FGF1: variants seen among roughly 807,000 people sequenced by gnomAD.
FGF1 encodes fibroblast growth factor 1, also known as beta-endothelial cell growth factor.
In FGF1, 9 loss-of-function variants were observed where a neutral mutation model predicts 13.4. The observed-to-expected ratio is 0.67, with a 90% confidence interval of 0.40 to 1.17. FGF1 has a LOEUF of 1.17. Ranked by LOEUF, FGF1 falls within the 50% of genes most tolerant of loss-of-function variation. The probability of loss-of-function intolerance (pLI) is 0.01; values close to 1 mark genes in which losing one functional copy is unlikely to be tolerated. For synonymous variants in FGF1, 93 were observed against 79.0 expected (o/e 1.18, Z -0.94); for missense variants, 156 against 192.7 (o/e 0.81, Z 1.13).
chr5:142,600,254 CAG>C (rs1491209830), intron 3 of FGF1, among the ~76,000 whole-genome samples: 2 of 152,140 alleles, frequency 1.3e-5, no homozygotes, highest in African/African-American at 4.8e-5. Context: ...CCCAGCTACT[CAG>C]GGGGCTGAGG....
At chr5:142,618,929 GTTTTTTTTTT>G (rs869093279) in intron 1 of FGF1, among the ~76,000 whole-genome samples, 2 of 61,252 alleles carry the variant, frequency 3.3e-5, no homozygotes, top group African/African-American at 6.9e-5. Context: ...TAGTTGTTTT[GTTTTTTTTTT>G]TTTTTTTTTT....
At chr5:142,675,286 G>T (rs1772321079) in intron 1 of FGF1, among the ~76,000 whole-genome samples, 1 of 152,102 alleles carries the variant, frequency 6.6e-6, no homozygotes, top group East Asian at 1.9e-4. Context: ...CGACCCAGGG[G>T]AGCAGCAAGT....
chr5:142,618,924 GTTTTGTTTTT>G (rs1318656982), intron 1 of FGF1, among the ~76,000 whole-genome samples: 9 of 78,326 alleles, frequency 1.1e-4, no homozygotes, highest in African/African-American at 3.3e-4. Flanking sequence ...TTTTTTAGTT[GTTTTGTTTTT>G]TTTTTTTTTT....
At chr5:142,597,154 G>A (rs922586074) in intron 3 of FGF1, among the ~76,000 whole-genome samples, 2 of 152,326 alleles carry the variant, frequency 1.3e-5, no homozygotes, top group Non-Finnish European at 2.9e-5. Context: ...CACAGTTGGC[G>A]AGAAAAATTA....
intron 1 of FGF1, among the ~76,000 whole-genome samples, chr5:142,616,771 G>C (rs1342126413): frequency 6.6e-6 from 1 of 152,138 alleles, no homozygotes; most frequent in African/African-American, 2.4e-5. Flanking sequence ...TCCCAGTGTG[G>C]ATATCTTTAT....
chr5:142,682,797 T>A (rs1773963114), intron 1 of FGF1, among the ~76,000 whole-genome samples: 1 of 152,234 alleles, frequency 6.6e-6, no homozygotes, highest in Admixed American at 6.5e-5. Context: ...AACCATGGTG[T>A]ATTTAATAAT....
At chr5:142,639,604 C>T (rs1462777369) in intron 1 of FGF1, among the ~76,000 whole-genome samples, 1 of 151,880 alleles carries the variant, frequency 6.6e-6, no homozygotes, top group Non-Finnish European at 1.5e-5. Flanking sequence ...TTAAAGGGTA[C>T]AAGGTTTCAG....
intron 1 of FGF1, among the ~76,000 whole-genome samples, chr5:142,638,425 G>A (rs182313833): frequency 6.6e-6 from 1 of 152,030 alleles, no homozygotes; most frequent in East Asian, 1.9e-4. Context: ...TGCTCCATAG[G>A]GCAGAACCCC....
Position 142,592,779 on chromosome 5 carries a change from A to T in FGF1, c.*2511T>A. Reference sequence around the variant, plus strand: ...AGTTTACCTTGCCATGTCCTCTGACATTTTGATAGGGGTTTATTTTATGCT... The same window carrying T: ...AGTTTACCTTGCCATGTCCTCTGACTTTTTGATAGGGGTTTATTTTATGCT... On this transcript the variant is annotated 3_prime_UTR_variant, in exon 4 of 4. Transcript: ENST00000337706. The T allele has an allele frequency of 4.4e-6, 1 of 225,702 alleles. No homozygotes were observed. The highest frequency in any genetic ancestry group is 8.2e-6 in the Non-Finnish European group (1 of 121,468). 14.0% of individuals were successfully genotyped at this position (225,702 alleles called of 1,614,324 possible).
intron 1 of FGF1, among the ~76,000 whole-genome samples, chr5:142,652,140 G>A (rs995071834): frequency 6.6e-6 from 1 of 152,118 alleles, no homozygotes; most frequent in Admixed American, 6.5e-5. Context: ...GTCCAGGAAG[G>A]AATGGGTCTG....
chr5:142,608,033 A>G (rs1758062939), intron 2 of FGF1, among the ~76,000 whole-genome samples: 1 of 152,216 alleles, frequency 6.6e-6, no homozygotes, highest in South Asian at 2.1e-4. Flanking sequence ...AAAGGTAGAA[A>G]AAAGGAAAAA....
chr5:142,659,724 A>G (rs1345632929), intron 1 of FGF1, among the ~76,000 whole-genome samples: 2 of 152,206 alleles, frequency 1.3e-5, no homozygotes, highest in African/African-American at 4.8e-5. Flanking sequence ...GGGAGGATTC[A>G]GTGACACATG....
At chr5:142,659,594 C>T (rs1481159272) in intron 1 of FGF1, among the ~76,000 whole-genome samples, 1 of 152,200 alleles carries the variant, frequency 6.6e-6, no homozygotes. Context: ...AAGTGCCCAG[C>T]ACAGGCAGTT....
At chr5:142,672,500 GTT>G (rs34954693) in intron 1 of FGF1, among the ~76,000 whole-genome samples, 5,741 of 123,058 alleles carry the variant, frequency 0.047, 63 homozygotes, top group South Asian at 0.08. Flanking sequence ...TTTCTGTACA[GTT>G]TTTTTTTTTT....
intron 1 of FGF1, among the ~76,000 whole-genome samples, chr5:142,636,567 T>G (rs913409630): frequency 6.6e-6 from 1 of 152,200 alleles, no homozygotes; most frequent in Non-Finnish European, 1.5e-5. Flanking sequence ...AAGTTTGAAT[T>G]CTGGTGGGGA....
In FGF1 at chr5:142,634,846, T is replaced by C. The variant is rs1323545158; in HGVS notation, c.-34-20685A>G. On this transcript the variant is annotated intron_variant, in intron 1 of 3. Transcript: ENST00000337706. ...GTGCCTTTCCATGGAGAAGAGAAAA[T>C]AGTTGCTTTGGTTATTGCTTTTTTT... Among the ~76,000 whole-genome samples, 8 of 152,062 alleles carry C rather than the reference T, an allele frequency of 5.3e-5. No individual in the cohort carries two copies. In the South Asian group the frequency reaches 1.7e-3, roughly 32 times the overall value.
chr5:142,663,302 C>T (rs1447307936), intron 1 of FGF1, among the ~76,000 whole-genome samples: 2 of 150,884 alleles, frequency 1.3e-5, no homozygotes, highest in Admixed American at 6.6e-5. Flanking sequence ...AACGATTTTA[C>T]CAGTTAGGAA....
At chr5:142,618,381 C>T (rs1240650696) in intron 1 of FGF1, among the ~76,000 whole-genome samples, 2 of 152,146 alleles carry the variant, frequency 1.3e-5, no homozygotes, top group African/African-American at 2.4e-5. Flanking sequence ...TTCACTCCTT[C>T]TGAGATGTTT....
chr5:142,605,903 G>C (rs1757550730), intron 2 of FGF1, among the ~76,000 whole-genome samples: 1 of 152,188 alleles, frequency 6.6e-6, no homozygotes, highest in African/African-American at 2.4e-5. Context: ...CTGAGGACAG[G>C]CAAGGAAGGA....
Sources: allele counts gnomAD v4.1 joint callset (sites outside exome capture counted in the v4.1 genomes callset), GRCh38; gene constraint gnomAD v4.1.1; transcripts MANE v1.5; gene names NCBI Gene and HGNC (gene_info 2026-07-23, HGNC 2026-07-21).